SAMM50: variants seen among roughly 807,000 people sequenced by gnomAD.
The protein encoded by SAMM50 is SAMM50 sorting and assembly machinery component.
A neutral mutation model predicts 66.9 loss-of-function variants in SAMM50; 47 were observed. That is an observed-to-expected ratio of 0.70 (90% CI 0.56 to 0.90). SAMM50 has a LOEUF of 0.90. SAMM50 is among the 40% of genes least tolerant of loss of function. SAMM50 has a pLI of 0.00. For missense variants in SAMM50, 535 were observed against 595.3 expected (o/e 0.90, Z 1.05); for synonymous variants, 191 against 214.1 (o/e 0.89, Z 0.94).
intron 10 of SAMM50, among the ~76,000 whole-genome samples, chr22:43,980,422 A>T (rs1229607040): frequency 6.6e-6 from 1 of 151,184 alleles, no homozygotes; most frequent in Non-Finnish European, 1.5e-5. Context: ...TCTAGTTAGG[A>T]TGGTCAGGGA....
intron 10 of SAMM50, among the ~76,000 whole-genome samples, chr22:43,980,155 TC>T (rs2050256883): frequency 5.4e-5 from 1 of 18,572 alleles, no homozygotes; most frequent in Non-Finnish European, 1.0e-4. Flanking sequence ...CATCCATCCA[TC>T]CATCCATTCA....
At chr22:43,975,960 G>T in intron 7 of SAMM50, 95 bp from the exon 8 acceptor site, 26 of 1,275,898 alleles carry the variant, frequency 2.0e-5, no homozygotes, top group South Asian at 1.1e-4. Context: ...TAGATATTTA[G>T]TTCATTGTTT....
Position 43,964,627 on chromosome 22 carries a change from A to G in SAMM50, c.234+74A>G, listed in dbSNP as rs915588437. 147 of 826,184 alleles carry G rather than the reference A, an allele frequency of 1.8e-4. 2 individuals carry two copies. In the Admixed American group the frequency reaches 2.8e-3, roughly 16 times the overall value. The allele number at this position is 826,184 out of a possible 1,614,324, so 51.2% of individuals were successfully genotyped here. ...CTCGTAAATGTCCCCATGTGAAACC[A>G]CAGAGCACCCTGCGCCCGGCCTCTG... On this transcript the variant is annotated intron_variant, in intron 3 of 14. Transcript: ENST00000350028.
chr22:43,978,016 C>T, intron 10 of SAMM50, 58 bp downstream of exon 10: 1 of 1,156,396 alleles, frequency 8.6e-7, no homozygotes, highest in Non-Finnish European at 1.3e-6. Context: ...GGGGATCTTA[C>T]CACAGAATCT....
Position 43,976,761 on chromosome 22 carries a change from C to T in SAMM50, c.789C>T (p.Val263=). The change falls in exon 9 of 15, where the codon GTC becomes GTT. Residue 263 remains valine (V), a synonymous_variant. Transcript: ENST00000350028. ...SLKSSLSHAM[V]IDSRNSSILP... is the part of the protein sequence containing the mutation. ...CAAATTTCTTTCAGCACGCCATGGT[C>T]ATCGATTCTCGGAATTCTTCCATCT... 2.5e-6 allele frequency: 4 copies of T among 1,611,532 alleles called. No individual in the cohort carries two copies. The highest frequency in any genetic ancestry group is 3.4e-6 in the Non-Finnish European group (4 of 1,178,336).
At chr22:43,956,557 TCAGA>T (rs2050120579) in intron 1 of SAMM50, among the ~76,000 whole-genome samples, 1 of 152,184 alleles carries the variant, frequency 6.6e-6, no homozygotes. Flanking sequence ...GTCAATACAC[TCAGA>T]CAGTGGGTTG....
At chr22:43,956,007 C>T (rs1176535914) in intron 1 of SAMM50, among the ~76,000 whole-genome samples, 1 of 152,184 alleles carries the variant, frequency 6.6e-6, no homozygotes, top group Non-Finnish European at 1.5e-5. Context: ...CCTTTGAAGT[C>T]TTCTAACTCA....
In SAMM50 at chr22:43,972,954, G is replaced by A. The variant is rs2050211451; in HGVS notation, c.513G>A (p.Ser171=). ...FQFSYGTKET[S]YGLSFFKPRP... is the part of the protein sequence containing the mutation. Reference sequence around the variant, plus strand: ...TTTCCTATGGAACAAAAGAAACTTCGTATGGCCTGTCCTTCTTCAAACCAC... The same window carrying A: ...TTTCCTATGGAACAAAAGAAACTTCATATGGCCTGTCCTTCTTCAAACCAC... The change falls in exon 6 of 15, where the codon TCG becomes TCA. Residue 171 remains serine (S), a synonymous_variant. Coordinates refer to ENST00000350028, the MANE Select transcript of SAMM50 (RefSeq NM_015380.5). The A allele has an allele frequency of 3.1e-6, 5 of 1,600,134 alleles. No homozygotes were observed. Among genetic ancestry groups the A allele is most frequent in the Admixed American group, 3.6e-5 (2 of 55,696 alleles).
At chr22:43,964,121 T>C (rs117826724) in intron 2 of SAMM50, among the ~76,000 whole-genome samples, 2,148 of 152,190 alleles carry the variant, frequency 0.014, 20 homozygotes, top group Middle Eastern at 0.02. Flanking sequence ...CCAGCATTCA[T>C]TCACAGGCCA....
intron 1 of SAMM50, among the ~76,000 whole-genome samples, chr22:43,962,050 T>A (rs577177472): frequency 6.6e-6 from 1 of 152,258 alleles, no homozygotes; most frequent in African/African-American, 2.4e-5. Context: ...GTTTCTCAAC[T>A]ATAACCCAAT....
At chr22:43,987,370 G>A (rs149724180) in intron 12 of SAMM50, 1 of 152,376 alleles carries the variant, frequency 6.6e-6, no homozygotes, top group Non-Finnish European at 1.5e-5. Flanking sequence ...CTGGCTGAAT[G>A]ATGGCATGAG....
At chr22:43,968,226 C>CAAAAAAAAAA (rs66961907) in intron 3 of SAMM50, among the ~76,000 whole-genome samples, 10 of 68,618 alleles carry the variant, frequency 1.5e-4, no homozygotes, top group African/African-American at 1.6e-4. Flanking sequence ...AACTCTGTCT[C>CAAAAAAAAAA]AAAAAAAAAA....
intron 14 of SAMM50, among the ~76,000 whole-genome samples, chr22:43,991,351 C>T (rs2050324023): frequency 6.7e-6 from 1 of 149,430 alleles, no homozygotes; most frequent in Non-Finnish European, 1.5e-5. Context: ...GACCATGGCT[C>T]ACTGCAGCCT....
chr22:43,976,947 A>G, intron 9 of SAMM50, 126 bp downstream of exon 9: 2 of 610,486 alleles, frequency 3.3e-6, no homozygotes, highest in Non-Finnish European at 5.7e-6. Flanking sequence ...CACATGCAGT[A>G]TCGCTTTTGA....
intron 4 of SAMM50, among the ~76,000 whole-genome samples, chr22:43,970,284 G>C (rs1187611696): frequency 6.6e-6 from 1 of 151,820 alleles, no homozygotes; most frequent in Non-Finnish European, 1.5e-5. Context: ...CCTTGGGCTA[G>C]TGTGGTTTCC....
At chr22:43,975,955 A>T in intron 7 of SAMM50, 100 bp from the exon 8 acceptor site, 1 of 1,247,146 alleles carries the variant, frequency 8.0e-7, no homozygotes, top group Non-Finnish European at 1.1e-6. Flanking sequence ...AAAATTAGAT[A>T]TTTAGTTCAT....
chr22:43,975,247 T>C (rs961279194), intron 7 of SAMM50: 1 of 152,534 alleles, frequency 6.6e-6, no homozygotes, highest in African/African-American at 2.4e-5. Flanking sequence ...CCTCTCACCA[T>C]GAAGGCGGGA....
At chr22:43,989,370 C>A in intron 13 of SAMM50, 113 bp downstream of exon 13, 1 of 1,101,166 alleles carries the variant, frequency 9.1e-7, no homozygotes, top group Non-Finnish European at 1.3e-6. Flanking sequence ...TGGAGTCTCG[C>A]TCTATTGCCA....
chr22:43,978,544 CAG>C (rs2050246290), intron 10 of SAMM50, among the ~76,000 whole-genome samples: 3 of 151,362 alleles, frequency 2.0e-5, no homozygotes, highest in African/African-American at 4.9e-5. Flanking sequence ...GGCTGGAGGA[CAG>C]AGGGGTGTCT....
Sources: gnomAD v4.1 joint callset for allele counts (sites outside exome capture counted in the v4.1 genomes callset) on GRCh38, gnomAD v4.1.1 for gene constraint, MANE v1.5 for transcripts, NCBI Gene and HGNC (gene_info 2026-07-23, HGNC 2026-07-21) for gene names.